GPR137C: variants seen among roughly 807,000 people sequenced by gnomAD.
The protein encoded by GPR137C is integral membrane protein GPR137C.
A neutral mutation model predicts 43.4 loss-of-function variants in GPR137C; 27 were observed. That is an observed-to-expected ratio of 0.62 (90% CI 0.46 to 0.86). The LOEUF is 0.86. GPR137C is among the 40% of genes least tolerant of loss of function. The pLI is 0.00. For missense variants in GPR137C, 522 were observed against 534.6 expected, an observed-to-expected ratio of 0.98 and a Z score of 0.23; for synonymous variants, 285 against 226.9, an observed-to-expected ratio of 1.26 and a Z score of -2.30.
At chr14:52,553,680 G>A (rs1017277004) in intron 1 of GPR137C, 89 bp downstream of exon 1, 58 of 672,140 alleles carry the variant, frequency 8.6e-5, no homozygotes, top group Non-Finnish European at 1.3e-4. Flanking sequence ...GGGGCGGGGG[G>A]TGGGCAGCGA....
At chr14:52,625,164 C>T (rs574779989) in intron 3 of GPR137C, among the ~76,000 whole-genome samples, 1 of 152,088 alleles carries the variant, frequency 6.6e-6, no homozygotes, top group Non-Finnish European at 1.5e-5. Flanking sequence ...GAAGAAACAA[C>T]ACCAATAGTA....
chr14:52,597,098 T>G (rs941452044), intron 1 of GPR137C: 6 of 404,836 alleles, frequency 1.5e-5, no homozygotes, highest in African/African-American at 1.2e-4. Context: ...ATGATTCACC[T>G]GCCTAACACC....
At chr14:52,634,609 C>A (rs1217583642) in intron 6 of GPR137C, among the ~76,000 whole-genome samples, 1 of 151,902 alleles carries the variant, frequency 6.6e-6, no homozygotes, top group East Asian at 1.9e-4. Flanking sequence ...ATATGTGTGT[C>A]TGCATACATA....
chr14:52,633,838 G>A lies in GPR137C; in HGVS notation c.1004G>A (p.Gly335Asp), dbSNP rs781470722. Residue 335 changes from glycine (G) to aspartate (D), a missense_variant, in exon 6 of 7, where the codon GGC (glycine) becomes GAC (aspartate). This residue lies in a region of GPR137C where 437 missense variants were observed against 425.7 expected (regional missense o/e 1.03). Transcript: ENST00000321662. ...ATACTTTGTTCACAGGCACCTGCTG[G>A]CATGATAAATAGTCACAGTTATAGT... ...QRLNQNLAPA[G>D]MINSHSYSSR... 6.2e-7 allele frequency: 1 copy of A among 1,610,142 alleles called. No individual in the cohort carries two copies. Among genetic ancestry groups the A allele is most frequent in the Non-Finnish European group, 8.5e-7 (1 of 1,176,738 alleles).
chr14:52,570,528 C>G (rs1452496569), intron 1 of GPR137C, among the ~76,000 whole-genome samples: 1 of 152,164 alleles, frequency 6.6e-6, no homozygotes, highest in Non-Finnish European at 1.5e-5. Context: ...GGCTAAATTA[C>G]CCAATTAAAA....
intron 1 of GPR137C, among the ~76,000 whole-genome samples, chr14:52,594,688 CT>C (rs945856973): frequency 2.0e-5 from 3 of 151,840 alleles, no homozygotes; most frequent in African/African-American, 4.8e-5. Context: ...TCCTCCATCC[CT>C]TTTTTTTGAG....
intron 3 of GPR137C, among the ~76,000 whole-genome samples, chr14:52,608,714 CT>C (rs1258756330): frequency 4.7e-4 from 68 of 145,460 alleles, no homozygotes; most frequent in Admixed American, 5.5e-4. Flanking sequence ...TCTTAGAAGG[CT>C]TTTTTTTTTT....
Position 52,632,185 on chromosome 14 carries a change from T to C in GPR137C, c.743T>C (p.Val248Ala). The C allele has an allele frequency of 6.2e-7, 1 of 1,606,952 alleles. No homozygotes were observed. The highest frequency in any genetic ancestry group is 8.5e-7 in the Non-Finnish European group (1 of 1,173,852). ...GGTATGTCTCTGTGCCAGACTGTCG[T>C]CGTGGGCTCTGTAGTCATTCTTCTG... ...SKGMSLCQTV[V>A]VGSVVILLYS... The change falls in exon 4 of 7, where the codon GTC (valine) becomes GCC (alanine). Residue 248 changes from valine to alanine, a missense_variant. Transcript: ENST00000321662.
intron 1 of GPR137C, among the ~76,000 whole-genome samples, chr14:52,569,327 A>T (rs1035034819): frequency 1.3e-5 from 2 of 152,036 alleles, no homozygotes; most frequent in Non-Finnish European, 2.9e-5. Context: ...ATCCATGAAG[A>T]TGAGGAAAAA....
chr14:52,612,411 A>G (rs2039048051), intron 3 of GPR137C: 1 of 980,426 alleles, frequency 1.0e-6, no homozygotes. Flanking sequence ...AAAGAATGTC[A>G]GCCTCCATAA....
At chr14:52,567,060 C>G (rs763806378) in intron 1 of GPR137C, among the ~76,000 whole-genome samples, 1 of 152,084 alleles carries the variant, frequency 6.6e-6, no homozygotes. Context: ...TTGCAGTGAG[C>G]CAAGATCACA....
intron 1 of GPR137C, among the ~76,000 whole-genome samples, chr14:52,569,051 C>T (rs759209447): frequency 1.1e-4 from 16 of 152,142 alleles, no homozygotes; most frequent in Non-Finnish European, 1.8e-4. Context: ...AGGAGAGCTC[C>T]GGCTGGCATC....
rs1300779539 is a variant in GPR137C, at chr14:52,553,300, C to T, written c.153C>T (p.Val51=). 3.9e-6 allele frequency: 6 copies of T among 1,551,182 alleles called. No individual in the cohort carries two copies. The highest frequency in any genetic ancestry group is 1.2e-5 in the South Asian group (1 of 84,298). ...VPGSVQLALS[V]LHALLYAALF... is the part of the protein sequence containing the mutation. ...GCTCCGTGCAGTTGGCGCTGAGCGTCCTGCACGCCCTGCTCTACGCCGCGC... is the reference window on the plus strand; with the variant it reads ...GCTCCGTGCAGTTGGCGCTGAGCGTTCTGCACGCCCTGCTCTACGCCGCGC... The change falls in exon 1 of 7, where the codon GTC becomes GTT. Residue 51 remains valine, a synonymous_variant. Transcript: ENST00000321662.
intron 1 of GPR137C, among the ~76,000 whole-genome samples, chr14:52,583,093 G>A (rs2038668770): frequency 6.6e-6 from 1 of 151,502 alleles, no homozygotes; most frequent in African/African-American, 2.4e-5. Flanking sequence ...AGTTTTTTCT[G>A]GTATTAAGAA....
At chr14:52,603,004 T>A (rs1200039671) in intron 3 of GPR137C, among the ~76,000 whole-genome samples, 2 of 152,092 alleles carry the variant, frequency 1.3e-5, no homozygotes, top group African/African-American at 2.4e-5. Flanking sequence ...TAATAAATTG[T>A]TATTAACTAT....
intron 1 of GPR137C, among the ~76,000 whole-genome samples, chr14:52,568,404 CAGG>C (rs1039102854): frequency 6.6e-5 from 10 of 152,110 alleles, no homozygotes; most frequent in Non-Finnish European, 1.3e-4. Context: ...GAGCTAACTG[CAGG>C]AGTTTTTTTT....
At chr14:52,614,753 T>C (rs950883390) in intron 3 of GPR137C, among the ~76,000 whole-genome samples, 4 of 152,120 alleles carry the variant, frequency 2.6e-5, no homozygotes, top group Non-Finnish European at 5.9e-5. Context: ...TCCCAAAGCA[T>C]TGGGATTACA....
rs543750649 is a variant in GPR137C at position 52,554,550 on chromosome 14, A to G, written c.444+959A>G. ...CATAATATTTTAAGACTTTCCCCCA[A>G]AAAAGTCCTCCTTCCCACCAAAAGA... On this transcript the variant is annotated intron_variant, in intron 1 of 6. Transcript: ENST00000321662. Among the ~76,000 whole-genome samples the G allele has an allele frequency of 1.0e-3, 153 of 152,260 alleles. 6 individuals are homozygous for G. The South Asian group carries it at 0.031, about 31-fold the overall frequency.
intron 1 of GPR137C, among the ~76,000 whole-genome samples, chr14:52,564,520 T>C (rs1594780883): frequency 6.6e-6 from 1 of 152,120 alleles, no homozygotes; most frequent in Non-Finnish European, 1.5e-5. Context: ...TCTTTCCTCC[T>C]CCTTTGCTTA....
Sources: gnomAD v4.1 joint callset for allele counts (sites outside exome capture counted in the v4.1 genomes callset) on GRCh38, gnomAD v4.1.1 for gene constraint, gnomAD v4.1.1 regional missense constraint, MANE v1.5 for transcripts, NCBI Gene and HGNC (gene_info 2026-07-23, HGNC 2026-07-21) for gene names.